The following NISCH variants were observed in gnomAD, a reference collection of about 807,000 sequenced individuals.
NISCH encodes the protein nischarin.
NISCH carries 55 observed loss-of-function variants against 138.4 expected under a neutral mutation model. The ratio of observed to expected loss-of-function variants is 0.40; its 90% CI spans 0.32 to 0.50. The LOEUF is 0.50. Ranked by LOEUF, NISCH falls within the 20% of genes least tolerant of loss-of-function variation. NISCH has a pLI of 0.71. For missense variants in NISCH, 1,643 were observed against 2,005.5 expected (o/e 0.82, Z 3.45); for synonymous variants, 860 against 861.5 (o/e 1.00, Z 0.03).
intron 13 of NISCH, chr3:52,480,516 C>A: frequency 6.6e-7 from 1 of 1,510,248 alleles, no homozygotes; most frequent in South Asian, 1.2e-5. Flanking sequence ...CCCAATTGCT[C>A]TGATGCCCAC....
chr3:52,485,284 A>G (rs1285805525), intron 14 of NISCH, among the ~76,000 whole-genome samples: 1 of 152,236 alleles, frequency 6.6e-6, no homozygotes, highest in Non-Finnish European at 1.5e-5. Context: ...GACAGTTTGC[A>G]GAGTCCTTGT....
chr3:52,471,055 A>C (rs1477025986), intron 4 of NISCH, 148 bp downstream of exon 4: 1 of 749,224 alleles, frequency 1.3e-6, no homozygotes. Context: ...GTCCTTCAGT[A>C]CTCTTGAGTA....
chr3:52,461,870 A>C (rs534685222), intron 3 of NISCH, among the ~76,000 whole-genome samples: 1 of 152,246 alleles, frequency 6.6e-6, no homozygotes, highest in African/African-American at 2.4e-5. Context: ...CACAAAAAAA[A>C]AAAAAAAAGA....
chr3:52,473,395 G>T (rs781367026), intron 6 of NISCH, among the ~76,000 whole-genome samples: 4 of 152,144 alleles, frequency 2.6e-5, no homozygotes, highest in Non-Finnish European at 4.4e-5. Flanking sequence ...CACCCCACTC[G>T]CTGTGCTGTG....
At chr3:52,456,624 A>C (rs979159937) in intron 1 of NISCH, among the ~76,000 whole-genome samples, 6 of 151,574 alleles carry the variant, frequency 4.0e-5, no homozygotes, top group African/African-American at 1.5e-4. Context: ...GCCTGCCTGC[A>C]CCTCCCCTCC....
intron 7 of NISCH, among the ~76,000 whole-genome samples, chr3:52,474,447 C>T (rs1578292551): frequency 6.6e-6 from 1 of 152,272 alleles, no homozygotes; most frequent in East Asian, 1.9e-4. Context: ...CAGGTGCCCG[C>T]CACCACACCC....
chr3:52,469,734 G>T (rs1373203133), intron 3 of NISCH, among the ~76,000 whole-genome samples: 1 of 152,106 alleles, frequency 6.6e-6, no homozygotes, highest in Non-Finnish European at 1.5e-5. Flanking sequence ...GGCCAACATG[G>T]TGAAACCCTG....
At chr3:52,462,885 C>T (rs1559623777) in intron 3 of NISCH, among the ~76,000 whole-genome samples, 1 of 152,176 alleles carries the variant, frequency 6.6e-6, no homozygotes, top group Non-Finnish European at 1.5e-5. Context: ...ATCCACCTGC[C>T]TCAGCCTCCC....
At chr3:52,465,445 A>G (rs1250736874) in intron 3 of NISCH, among the ~76,000 whole-genome samples, 2 of 152,142 alleles carry the variant, frequency 1.3e-5, no homozygotes, top group African/African-American at 2.4e-5. Context: ...TGTGGATTTT[A>G]ATAACAAGGA....
intron 1 of NISCH, among the ~76,000 whole-genome samples, chr3:52,456,637 G>A (rs549447228): frequency 6.6e-6 from 1 of 152,328 alleles, no homozygotes; most frequent in South Asian, 2.1e-4. Flanking sequence ...TCCCCTCCCT[G>A]GCCCTCATCC....
At position 52,488,234 on chromosome 3, in the gene NISCH, C is replaced by G; in HGVS notation, c.2742C>G (p.Pro914=). 1 of 1,611,876 alleles carries G rather than the reference C, an allele frequency of 6.2e-7. No homozygotes were observed. ...TCCCCTACTGGCTGTTGCTCACGCC[C>G]CAGCACCTCAACGTCATCAAGGCCG... The part of the protein sequence containing the change: ...AAIPYWLLLT[P]QHLNVIKADF... Residue 914 remains proline (P), a synonymous_variant, in exon 16 of 21, where the codon CCC becomes CCG. Coordinates refer to ENST00000345716, the MANE Select transcript of NISCH (RefSeq NM_007184.4).
chr3:52,489,269 G>A, intron 16 of NISCH, 67 bp from the exon 17 acceptor site: 1 of 1,550,302 alleles, frequency 6.5e-7, no homozygotes, highest in Non-Finnish European at 8.7e-7. Context: ...TCACTCTGAA[G>A]CTGCACATGC....
At chr3:52,472,076 GA>G (rs891186459) in intron 5 of NISCH, 99 bp downstream of exon 5, 4 of 1,333,688 alleles carry the variant, frequency 3.0e-6, no homozygotes, top group East Asian at 4.8e-5. Flanking sequence ...GACCATGGGG[GA>G]CTGTTGGTGG....
chr3:52,479,963 T>C (rs1707220775), intron 12 of NISCH, 101 bp downstream of exon 12: 2 of 1,056,334 alleles, frequency 1.9e-6, no homozygotes, highest in Non-Finnish European at 2.8e-6. Context: ...GGCTGCCGAG[T>C]CCCAGCTGCG....
chr3:52,471,349 C>T (rs1276532697), intron 4 of NISCH: 2 of 277,456 alleles, frequency 7.2e-6, no homozygotes, highest in Non-Finnish European at 6.9e-6. Context: ...CCTGAGGGCA[C>T]ATGGCTGGGA....
Position 52,492,509 on chromosome 3 carries a change from C to G in NISCH, c.*27C>G, listed in dbSNP as rs1040994563. 1 of 1,559,822 alleles carries G rather than the reference C, an allele frequency of 6.4e-7. No homozygotes were observed. Among genetic ancestry groups the G allele is most frequent in the Non-Finnish European group, 8.7e-7 (1 of 1,154,732 alleles). On this transcript the variant is annotated 3_prime_UTR_variant, in exon 21 of 21. Transcript: ENST00000345716. ...CCAGGCCACAGCCAGCCTGTCGTGT[C>G]CAGCCTGACGCCTACTGGGGCAGGG...
chr3:52,489,463 T>C lies in NISCH; in HGVS notation c.3241T>C (p.Ser1081Pro), dbSNP rs1442296971. 5 of 1,603,556 alleles carry C rather than the reference T, an allele frequency of 3.1e-6. No individual in the cohort carries two copies. Among genetic ancestry groups the C allele is most frequent in the Non-Finnish European group, 4.3e-6 (5 of 1,171,296 alleles). The change falls in exon 17 of 21, where the codon TCA becomes CCA. Residue 1081 changes from serine to proline, a missense_variant. Coordinates refer to ENST00000345716, the MANE Select transcript of NISCH (RefSeq NM_007184.4). ...PAKTPAPAEASTSALVPEETP... is the reference protein window; with the variant it reads ...PAKTPAPAEAPTSALVPEETP... ...GAAGACTCCGGCCCCAGCAGAGGCCTCAACTTCAGCTTTGGTCCCAGAGGA... is the reference window on the plus strand; with the variant it reads ...GAAGACTCCGGCCCCAGCAGAGGCCCCAACTTCAGCTTTGGTCCCAGAGGA...
intron 17 of NISCH, 111 bp from the exon 18 acceptor site, chr3:52,489,964 T>C (rs1578314376): frequency 6.9e-7 from 1 of 1,439,122 alleles, no homozygotes; most frequent in East Asian, 2.3e-5. Flanking sequence ...TACGGATTCA[T>C]TGGTGAGCCA....
chr3:52,488,642 AT>A (rs1707477151), intron 16 of NISCH, 37 bp downstream of exon 16: 2 of 1,539,336 alleles, frequency 1.3e-6, no homozygotes, highest in Non-Finnish European at 1.8e-6. Flanking sequence ...CCCCGGGGGC[AT>A]GGGTCTGGCA....
Sources: allele counts gnomAD v4.1 joint callset (sites outside exome capture counted in the v4.1 genomes callset), GRCh38; gene constraint gnomAD v4.1.1; transcripts MANE v1.5; gene names NCBI Gene and HGNC (gene_info 2026-07-23, HGNC 2026-07-21).